CDH2: variants seen among roughly 807,000 people sequenced by gnomAD.
The protein encoded by CDH2 is cadherin 2, also known as cadherin-2.
In CDH2, 17 loss-of-function variants were observed where a neutral mutation model predicts 92.0. That is an observed-to-expected ratio of 0.18 (90% CI 0.13 to 0.28). The LOEUF (loss-of-function observed/expected upper bound fraction) is 0.28. Ranked by LOEUF, CDH2 falls within the 10% of genes least tolerant of loss-of-function variation. CDH2 has a pLI of 1.00. For synonymous variants in CDH2, 419 were observed against 415.9 expected (o/e 1.01, Z -0.09); for missense variants, 862 against 1,133.1 (o/e 0.76, Z 3.44).
At chr18:28,024,967 C>A (rs2013511218) in intron 2 of CDH2, among the ~76,000 whole-genome samples, 1 of 152,090 alleles carries the variant, frequency 6.6e-6, no homozygotes, top group South Asian at 2.1e-4. Context: ...CACACTAAAA[C>A]AGTAAATGAT....
At chr18:28,019,676 T>C (rs1212114036) in intron 2 of CDH2, among the ~76,000 whole-genome samples, 1 of 152,158 alleles carries the variant, frequency 6.6e-6, no homozygotes, top group Non-Finnish European at 1.5e-5. Context: ...CAATTGGTTT[T>C]TCTATCACCT....
At chr18:27,957,945 C>A (rs11564420) in intron 15 of CDH2, among the ~76,000 whole-genome samples, 2,369 of 152,220 alleles carry the variant, frequency 0.016, 16 homozygotes, top group Non-Finnish European at 0.023. Context: ...AGCAGAAAAT[C>A]TTTTACTCCT....
At position 27,951,952 on chromosome 18, in the gene CDH2, G is replaced by GTAAC. The variant is rs1479846481; in HGVS notation, c.*197_*200dup. 6.9e-6 allele frequency: 4 copies of GTAAC among 582,414 alleles called. No homozygotes were observed. The highest frequency in any genetic ancestry group is 1.2e-5 in the Non-Finnish European group (4 of 326,186). The allele number at this position is 582,414 out of a possible 1,614,324, so 36.1% of individuals were successfully genotyped here. A position where few individuals can be genotyped will look rare whatever the true frequency, so the allele number is the denominator to read the frequency against. ...TGCTTCTGTACTGTAAAATTCAAGT[G>GTAAC]TAACTGAGCTCAGTGTTTTTCCAAA... On this transcript the variant is annotated 3_prime_UTR_variant, in exon 16 of 16. Transcript: ENST00000269141.
chr18:27,992,574 T>C lies in CDH2; in HGVS notation c.1344+81A>G, dbSNP rs529679571. On this transcript the variant is annotated intron_variant, in intron 9 of 15. Coordinates refer to ENST00000269141, the MANE Select transcript of CDH2 (RefSeq NM_001792.5). ...GAAAGAAAAACGTCCTAAGTTTCCA[T>C]TGCAAAACAATGAGTGGGGGACATA... The C allele has an allele frequency of 3.4e-4, 409 of 1,195,386 alleles. 1 individual carries two copies. Among genetic ancestry groups the C allele is most frequent in the Non-Finnish European group, 4.5e-4 (379 of 850,422 alleles). 74.0% of individuals were successfully genotyped at this position (1,195,386 alleles called of 1,614,324 possible).
Position 28,047,660 on chromosome 18 carries a change from A to G in CDH2, c.173-33751T>C, listed in dbSNP as rs1363870420. ...GAGGTGGGTGGATCACGAGGTCAGG[A>G]GATCGAGACCATCCTGGCTAACACG... On this transcript the variant is annotated intron_variant, in intron 2 of 15. Coordinates refer to ENST00000269141, the MANE Select transcript of CDH2 (RefSeq NM_001792.5). Among the ~76,000 whole-genome samples, 4 of 152,178 alleles carry G rather than the reference A, an allele frequency of 2.6e-5. No homozygotes were observed. The East Asian group carries it at 7.8e-4, about 30-fold the overall frequency.
At chr18:28,029,451 G>T (rs928909786) in intron 2 of CDH2, among the ~76,000 whole-genome samples, 1 of 148,384 alleles carries the variant, frequency 6.7e-6, no homozygotes, top group Non-Finnish European at 1.5e-5. Context: ...GCCATCATTG[G>T]TTTTTTTTTT....
chr18:28,037,698 A>T (rs2013863197), intron 2 of CDH2, among the ~76,000 whole-genome samples: 1 of 152,192 alleles, frequency 6.6e-6, no homozygotes, highest in Non-Finnish European at 1.5e-5. Context: ...TAAATTGGAT[A>T]TGGGCAAACT....
chr18:27,964,235 G>A (rs1243996336), intron 14 of CDH2, among the ~76,000 whole-genome samples: 1 of 152,152 alleles, frequency 6.6e-6, no homozygotes, highest in Non-Finnish European at 1.5e-5. Context: ...GCTGCCCTGT[G>A]GGAATGTCCT....
chr18:28,147,096 GA>G (rs1351943828), intron 2 of CDH2, among the ~76,000 whole-genome samples: 2 of 152,010 alleles, frequency 1.3e-5, no homozygotes, highest in African/African-American at 2.4e-5. Context: ...AATGGGAAAT[GA>G]GACTATATTT....
At chr18:28,013,074 G>A (rs576062920) in intron 3 of CDH2, among the ~76,000 whole-genome samples, 15 of 152,140 alleles carry the variant, frequency 9.9e-5, no homozygotes, top group Middle Eastern at 3.4e-3. Context: ...TTAAAATTCC[G>A]AACAATGACT....
intron 14 of CDH2, among the ~76,000 whole-genome samples, chr18:27,974,557 T>C (rs2011761970): frequency 6.6e-6 from 1 of 152,208 alleles, no homozygotes; most frequent in Non-Finnish European, 1.5e-5. Context: ...CTTCCAGACA[T>C]GTCCCCCAAA....
intron 2 of CDH2, among the ~76,000 whole-genome samples, chr18:28,145,611 T>A (rs1359920320): frequency 6.6e-6 from 1 of 152,034 alleles, no homozygotes; most frequent in Non-Finnish European, 1.5e-5. Flanking sequence ...AAGTAGCAAT[T>A]CTCCAGAAGA....
intron 2 of CDH2, among the ~76,000 whole-genome samples, chr18:28,135,268 G>C (rs541798866): frequency 2.6e-5 from 4 of 152,242 alleles, no homozygotes; most frequent in Admixed American, 2.6e-4. Flanking sequence ...AAATATCAAT[G>C]TATCATTGCT....
intron 2 of CDH2, among the ~76,000 whole-genome samples, chr18:28,044,832 AAAGAT>A (rs1405698516): frequency 1.4e-5 from 2 of 144,262 alleles, no homozygotes; most frequent in Admixed American, 7.1e-5. Context: ...AAGATTTTAA[AAAGAT>A]AATATATAAC....
chr18:28,050,616 GA>G (rs1567979125), intron 2 of CDH2, among the ~76,000 whole-genome samples: 1 of 152,136 alleles, frequency 6.6e-6, no homozygotes. Flanking sequence ...TTCAGAGTAA[GA>G]TTTTTTTCTA....
intron 1 of CDH2, among the ~76,000 whole-genome samples, chr18:28,176,426 G>A (rs564948869): frequency 6.6e-6 from 1 of 152,284 alleles, no homozygotes; most frequent in East Asian, 1.9e-4. Context: ...TCCAGACTGG[G>A]ATAAAGACAA....
intron 2 of CDH2, among the ~76,000 whole-genome samples, chr18:28,052,166 G>A (rs2014205363): frequency 6.6e-6 from 1 of 152,086 alleles, no homozygotes; most frequent in African/African-American, 2.4e-5. Context: ...CCCAGCTCTA[G>A]AGTACATTTC....
intron 2 of CDH2, among the ~76,000 whole-genome samples, chr18:28,095,807 C>CAAAAAAAAAAAAAAAAAAAAA (rs33981188): frequency 5.8e-5 from 6 of 102,930 alleles, no homozygotes; most frequent in African/African-American, 1.6e-4. Context: ...GCAACTCCAT[C>CAAAAAAAAAAAAAAAAAAAAA]AAAAAAAAAA....
chr18:28,007,144 A>C (rs2012948518), intron 5 of CDH2, among the ~76,000 whole-genome samples: 1 of 138,086 alleles, frequency 7.2e-6, no homozygotes, highest in Admixed American at 7.9e-5. Context: ...TGGGCAACAG[A>C]GTGAGACTCC....
Sources: allele counts gnomAD v4.1 joint callset (sites outside exome capture counted in the v4.1 genomes callset), GRCh38; gene constraint gnomAD v4.1.1; transcripts MANE v1.5; gene names NCBI Gene and HGNC (gene_info 2026-07-23, HGNC 2026-07-21).